The following JADE1 variants were observed in gnomAD, a reference collection of about 807,000 sequenced individuals.
JADE1 encodes jade family PHD finger 1, also known as protein Jade-1.
JADE1 carries 14 observed loss-of-function variants against 81.8 expected under a neutral mutation model. That is an observed-to-expected ratio of 0.17 (90% confidence interval 0.11 to 0.27). The LOEUF (loss-of-function observed/expected upper bound fraction) is 0.27, where lower values mean the gene tolerates loss of function less well. JADE1 is among the 10% of genes least tolerant of loss of function. The pLI is 1.00. For synonymous variants in JADE1, 353 were observed against 391.9 expected (o/e 0.90, Z 1.17); for missense variants, 690 against 1,047.9 (o/e 0.66, Z 4.71).
Position 128,846,788 on chromosome 4 carries a change from G to C in JADE1, c.296+256G>C, listed in dbSNP as rs1025126085. 6.6e-6 allele frequency among the ~76,000 whole-genome samples: 1 copy of C among 152,208 alleles called. No individual in the cohort carries two copies. The highest frequency in any genetic ancestry group is 2.4e-5 in the African/African-American group (1 of 41,448). ...GTGGGGAGGTGCTGCTTTCTTATGA[G>C]AGGAAGGCAAATTCCAAGACATCCT... On this transcript the variant is annotated intron_variant, in intron 4 of 10. Transcript: ENST00000226319. This position sits in a 1 kb window ranked among gnomAD's most constrained non-coding sequence, Gnocchi z 4.0.
At chr4:128,810,878 G>C (rs1726290282) in intron 1 of JADE1, among the ~76,000 whole-genome samples, 1 of 152,118 alleles carries the variant, frequency 6.6e-6, no homozygotes, top group Non-Finnish European at 1.5e-5. Context: ...AGTTGGCGTT[G>C]GTAGAGCAAA....
chr4:128,824,485 TTTCTGAAAATACA>T (rs1203406469), intron 1 of JADE1, among the ~76,000 whole-genome samples: 10 of 152,186 alleles, frequency 6.6e-5, no homozygotes, highest in Admixed American at 6.5e-4. Context: ...GACCACCTGG[TTTCTGAAAATACA>T]TTCTTTAGTA....
At chr4:128,863,031 T>TTC in intron 9 of JADE1, 3 of 985,436 alleles carry the variant, frequency 3.0e-6, no homozygotes, top group Non-Finnish European at 3.6e-6. Flanking sequence ...CTCAGCACGC[T>TTC]ACAGATGTGT....
intron 1 of JADE1, among the ~76,000 whole-genome samples, chr4:128,824,352 G>A (rs559403677): frequency 2.3e-4 from 35 of 152,136 alleles, no homozygotes; most frequent in Middle Eastern, 3.4e-3. Flanking sequence ...CCCGGGAGGC[G>A]GAGCTTGCAG....
At chr4:128,863,357 T>A in intron 9 of JADE1, 1 of 985,336 alleles carries the variant, frequency 1.0e-6, no homozygotes, top group Non-Finnish European at 1.2e-6. Context: ...GGGAGTGAGG[T>A]TTTCTGGCCT....
chr4:128,865,179 G>C (rs1267813582), intron 9 of JADE1, among the ~76,000 whole-genome samples: 1 of 152,158 alleles, frequency 6.6e-6, no homozygotes, highest in Non-Finnish European at 1.5e-5. Flanking sequence ...CAAAAGGCAC[G>C]TTCAACTTTA....
chr4:128,833,293 A>G (rs967121794), intron 2 of JADE1, among the ~76,000 whole-genome samples: 2 of 152,186 alleles, frequency 1.3e-5, no homozygotes, highest in African/African-American at 4.8e-5. Flanking sequence ...AGGCAAAAAC[A>G]TCATTGGGAA....
intron 6 of JADE1, among the ~76,000 whole-genome samples, chr4:128,855,226 C>T (rs973199436): frequency 6.6e-6 from 1 of 152,240 alleles, no homozygotes; most frequent in Non-Finnish European, 1.5e-5. Context: ...TAGCTTCTCT[C>T]ACGGAACCCT....
intron 6 of JADE1, among the ~76,000 whole-genome samples, chr4:128,854,664 G>C (rs1338831295): frequency 1.3e-5 from 2 of 152,124 alleles, no homozygotes; most frequent in Non-Finnish European, 2.9e-5. Context: ...AAGAATTAGA[G>C]CTATGCTACT....
chr4:128,849,515 T>C (rs899852767), intron 5 of JADE1, among the ~76,000 whole-genome samples: 36 of 152,354 alleles, frequency 2.4e-4, no homozygotes, highest in African/African-American at 7.9e-4. Flanking sequence ...GTTTTTTTCC[T>C]GTGATGCCAT....
intron 8 of JADE1, among the ~76,000 whole-genome samples, chr4:128,858,621 G>A (rs952899251): frequency 3.1e-4 from 29 of 93,602 alleles, no homozygotes; most frequent in African/African-American, 1.1e-3. Flanking sequence ...TTTTTTTTTT[G>A]AGACAGAGTC....
intron 8 of JADE1, among the ~76,000 whole-genome samples, chr4:128,859,436 C>T (rs74651903): frequency 0.011 from 1,672 of 151,732 alleles, 19 homozygotes; most frequent in African/African-American, 0.037. Context: ...CATATGTATG[C>T]ATGTGTGTAT....
At chr4:128,827,046 C>T (rs1378972646) in intron 1 of JADE1, among the ~76,000 whole-genome samples, 3 of 152,114 alleles carry the variant, frequency 2.0e-5, no homozygotes, top group African/African-American at 7.2e-5. Flanking sequence ...GCCATAAACC[C>T]CTTATCCTTG....
At position 128,871,862 on chromosome 4, in the gene JADE1, C is replaced by T; in HGVS notation, c.2129C>T (p.Ala710Val). ...AATSPGVGQS[A>V]PGTRKEIVPK... ...ACCTCCCCTGGAGTGGGGCAGTCAG[C>T]ACCTGGCACAAGGAAGGAGATAGTG... The change falls in exon 11 of 11, where the codon GCA becomes GTA. Residue 710 changes from alanine (A) to valine (V), a missense_variant. Physicochemically the swap from Ala to Val is moderately conservative, Grantham distance 64. Around this residue, in one of 8 missense-constraint regions of JADE1, gnomAD observed 218 missense variants for 274.3 expected, o/e 0.79. Coordinates refer to ENST00000226319, the MANE Select transcript of JADE1 (RefSeq NM_199320.4). The surrounding 1 kb of genome is among the most constrained non-coding windows in gnomAD (Gnocchi z 4.1). The T allele has an allele frequency of 6.2e-7, 1 of 1,614,080 alleles. No individual in the cohort carries two copies. Among genetic ancestry groups the T allele is most frequent in the Non-Finnish European group, 8.5e-7 (1 of 1,179,948 alleles).
intron 6 of JADE1, among the ~76,000 whole-genome samples, chr4:128,855,262 G>A (rs139981677): frequency 1.6e-3 from 243 of 152,298 alleles, no homozygotes; most frequent in Middle Eastern, 0.01. Context: ...GACTTACTGA[G>A]GACTTACTGC....
intron 2 of JADE1, among the ~76,000 whole-genome samples, chr4:128,834,129 C>T (rs1035466120): frequency 1.3e-5 from 2 of 152,190 alleles, no homozygotes; most frequent in South Asian, 2.1e-4. Context: ...CTTAGTAGCG[C>T]AGAAGGCCTC....
At position 128,871,119 on chromosome 4, in the gene JADE1, T is replaced by C. The variant is rs1732160079; in HGVS notation, c.1622-236T>C. Among the ~76,000 whole-genome samples, 1 of 152,192 alleles carries C rather than the reference T, an allele frequency of 6.6e-6. No homozygotes were observed. The highest frequency in any genetic ancestry group is 1.5e-5 in the Non-Finnish European group (1 of 68,036). On this transcript the variant is annotated intron_variant, in intron 10 of 10. Transcript: ENST00000226319. The surrounding 1 kb of genome is among the most constrained non-coding windows in gnomAD (Gnocchi z 4.1). ...AGGTCTAGTTTTATGAAAAATTATG[T>C]GAGCTTCAGCTGTTTTAGAAAATGT...
chr4:128,811,661 C>T (rs2125775495), intron 1 of JADE1, among the ~76,000 whole-genome samples: 1 of 146,304 alleles, frequency 6.8e-6, no homozygotes, highest in Admixed American at 6.8e-5. Context: ...GGGGCGGGGA[C>T]GCCCGGCCCG....
intron 9 of JADE1, chr4:128,862,715 G>A (rs1731447093): frequency 3.0e-6 from 3 of 1,006,798 alleles, no homozygotes; most frequent in Non-Finnish European, 3.6e-6. Context: ...AGGAAGCTAA[G>A]CACGGCTGCT....
Sources: allele counts gnomAD v4.1 joint callset (sites outside exome capture counted in the v4.1 genomes callset), GRCh38; gene constraint gnomAD v4.1.1; regional missense constraint gnomAD v4.1.1; non-coding constraint Gnocchi (gnomAD v3.1); transcripts MANE v1.5; gene names NCBI Gene and HGNC (gene_info 2026-07-23, HGNC 2026-07-21).